The following URGCP variants were observed in gnomAD, a reference collection of about 807,000 sequenced individuals.
URGCP encodes the protein up-regulator of cell proliferation.
In URGCP, 13 loss-of-function variants were observed where a neutral mutation model predicts 24.6. The ratio of observed to expected loss-of-function variants is 0.53; its 90% CI spans 0.34 to 0.84. The LOEUF is 0.84. Among genes scored for constraint, URGCP ranks in the 40% least tolerant of loss-of-function variants. The pLI, the probability that URGCP is intolerant of heterozygous loss-of-function variation, is 0.01. For synonymous variants in URGCP, 444 were observed against 487.2 expected (o/e 0.91, Z 1.17); for missense variants, 899 against 1,194.3 (o/e 0.75, Z 3.64).
At chr7:43,918,661 G>T in intron 1 of URGCP, 1 of 623,398 alleles carries the variant, frequency 1.6e-6, no homozygotes. Flanking sequence ...CAGCGTTGCG[G>T]GTGGGAGCGG....
intron 1 of URGCP, chr7:43,918,877 T>TC: frequency 1.4e-6 from 2 of 1,402,874 alleles, no homozygotes; most frequent in African/African-American, 1.4e-5. Context: ...GAGCACTACA[T>TC]CCCCCGGGCT....
chr7:43,895,580 C>T (rs971107960), intron 1 of URGCP, among the ~76,000 whole-genome samples: 1 of 152,166 alleles, frequency 6.6e-6, no homozygotes, highest in Non-Finnish European at 1.5e-5. Flanking sequence ...GAGGCTGAGG[C>T]ATGAGAATCA....
rs781341808 is a variant in URGCP at position 43,881,709 on chromosome 7, G to C, written c.164-12C>G. 1.9e-6 allele frequency: 3 copies of C among 1,614,106 alleles called. No homozygotes were observed. In the South Asian group the frequency reaches 3.3e-5, roughly 18 times the overall value. ...CTCATTTGTACCATCTATGGAAAAAGCAATGGAAAATGAAGTGTCAATCAA... is the reference window on the plus strand; with the variant it reads ...CTCATTTGTACCATCTATGGAAAAACCAATGGAAAATGAAGTGTCAATCAA... On this transcript the variant is annotated splice_polypyrimidine_tract_variant and intron_variant, in intron 4 of 5. Transcript: ENST00000453200.
upstream of URGCP, chr7:43,926,568 C>T (rs563302030): frequency 1.3e-6 from 2 of 1,569,050 alleles, no homozygotes; most frequent in South Asian, 2.3e-5. Context: ...TACGCACTTT[C>T]CCACCCTCCA....
chr7:43,923,740 G>A (rs1287275342), intron 1 of URGCP, among the ~76,000 whole-genome samples: 1 of 152,064 alleles, frequency 6.6e-6, no homozygotes, highest in African/African-American at 2.4e-5. Flanking sequence ...ACTGTACTGA[G>A]ATATTATTAT....
chr7:43,881,031 T>C, intron 5 of URGCP: 1 of 611,878 alleles, frequency 1.6e-6, no homozygotes, highest in Non-Finnish European at 2.9e-6. Flanking sequence ...CCTATGAACT[T>C]GTTACAAAAA....
chr7:43,893,010 G>A (rs1003948595), intron 1 of URGCP, among the ~76,000 whole-genome samples: 1 of 151,218 alleles, frequency 6.6e-6, no homozygotes, highest in Admixed American at 6.6e-5. Flanking sequence ...GCAAGTGAAC[G>A]AGACCCCTAT....
chr7:43,889,769 C>T (rs2095867567), intron 1 of URGCP: 1 of 152,262 alleles, frequency 6.6e-6, no homozygotes, highest in Non-Finnish European at 1.5e-5. Context: ...TTAGTTTCAT[C>T]TTCTTCTGGG....
At chr7:43,921,725 T>C (rs2095922704) in intron 1 of URGCP, among the ~76,000 whole-genome samples, 1 of 152,222 alleles carries the variant, frequency 6.6e-6, no homozygotes, top group African/African-American at 2.4e-5. Flanking sequence ...TGGAAATTTT[T>C]GTCTAGGGTT....
In URGCP at chr7:43,881,923, G is replaced by A. The variant is rs563335497; in HGVS notation, c.147C>T (p.Cys49=). ...LEWREMEGDD[C]EFRYGDGTNE... ...AGTTTCTACCTCCATAACGGAACTC[G>A]CAATCATCTCCTTCCATTTCTCTCC... The change falls in exon 4 of 6, where the codon TGC becomes TGT. Residue 49 remains cysteine (C), a synonymous_variant. Coordinates refer to ENST00000453200, the MANE Select transcript of URGCP (RefSeq NM_001077663.3). 93 of 1,614,000 alleles carry A rather than the reference G, an allele frequency of 5.8e-5. No individual in the cohort carries two copies. Among genetic ancestry groups the A allele is most frequent in the Admixed American group, 1.3e-4 (8 of 60,006 alleles).
At chr7:43,920,179 TTC>T (rs1358901909) in intron 1 of URGCP, 6 of 575,018 alleles carry the variant, frequency 1.0e-5, no homozygotes, top group Non-Finnish European at 1.2e-5. Context: ...TACATGCATT[TTC>T]TGTTAGTCTG....
rs556280128 is a variant in URGCP at position 43,922,955 on chromosome 7, T to G, written c.-116+3177A>C. Among the ~76,000 whole-genome samples the G allele has an allele frequency of 1.1e-3, 172 of 151,768 alleles. 1 individual carries two copies. The highest frequency in any genetic ancestry group is 4.0e-3 in the African/African-American group (165 of 41,408). On this transcript the variant is annotated intron_variant, in intron 1 of 5. Coordinates refer to the URGCP transcript ENST00000426198. ...CTTTCTTTCTTTCCTTCTCTCTTTC[T>G]CTCTCTTTCTCCTCTCTCTCTCTCT... is the stretch of plus-strand genomic sequence containing the variant.
intron 1 of URGCP, among the ~76,000 whole-genome samples, chr7:43,900,706 C>T (rs537451166): frequency 6.6e-6 from 1 of 152,260 alleles, no homozygotes; most frequent in Non-Finnish European, 1.5e-5. Context: ...CTGCCTCAGG[C>T]TCCCAAAGTG....
At chr7:43,909,443 T>C (rs1383285464), upstream of URGCP, among the ~76,000 whole-genome samples, 2 of 152,208 alleles carry the variant, frequency 1.3e-5, no homozygotes, top group Non-Finnish European at 2.9e-5. Flanking sequence ...ACCAGTATTT[T>C]AGGCCAGGTA....
At position 43,877,080 on chromosome 7, in the gene URGCP, T is replaced by C. The variant is rs1323728606; in HGVS notation, c.2383A>G (p.Ile795Val). The C allele has an allele frequency of 1.2e-6, 2 of 1,614,274 alleles. No individual in the cohort carries two copies. The highest frequency in any genetic ancestry group is 8.5e-7 in the Non-Finnish European group (1 of 1,180,050). ...AATGCATGCAGAATAGCTGCTGGAA[T>C]GTCCTTGGTTTCAGCTAGACTGATC... ...TVISLAETKD[I>V]PAAILHAFLR... Residue 795 changes from isoleucine to valine, a missense_variant, in exon 6 of 6, where the codon ATT becomes GTT. By Grantham distance (29) the Ile-to-Val change is conservative. Transcript: ENST00000453200.
chr7:43,893,796 G>A lies in URGCP; in HGVS notation c.15-5980C>T, dbSNP rs183599126. On this transcript the variant is annotated intron_variant, in intron 1 of 5. Transcript: ENST00000453200. ...CGAGGCAGGAGAATTGCTTGAACCCGGGAGACGGAGGTTGCACTAAGCTGA... is the reference window on the plus strand; with the variant it reads ...CGAGGCAGGAGAATTGCTTGAACCCAGGAGACGGAGGTTGCACTAAGCTGA... Among the ~76,000 whole-genome samples the A allele has an allele frequency of 1.5e-3, 233 of 152,234 alleles. 4 individuals carry two copies. Among genetic ancestry groups the A allele is most frequent in the Admixed American group, 0.015 (226 of 15,292 alleles).
rs540273432 is a variant in URGCP, at chr7:43,912,249, G to C, written c.-116+13883C>G. Among the ~76,000 whole-genome samples, 19 of 152,322 alleles carry C rather than the reference G, an allele frequency of 1.2e-4. No homozygotes were observed. In the East Asian group the frequency reaches 3.7e-3, roughly 29 times the overall value. On this transcript the variant is annotated intron_variant, in intron 1 of 5. Transcript: ENST00000426198. ...GTGGTTGCTCATGCCTGTAATCCCA[G>C]CACTTTGGGAGGCTGAGGCTGTTGG... is the stretch of plus-strand genomic sequence containing the variant.
At chr7:43,892,969 C>T (rs2132681657) in intron 1 of URGCP, among the ~76,000 whole-genome samples, 2 of 152,092 alleles carry the variant, frequency 1.3e-5, no homozygotes, top group Middle Eastern at 6.8e-3. Context: ...CAAGAAAAAA[C>T]AGGAAAGTAA....
chr7:43,922,286 T>A (rs1004430679), intron 1 of URGCP, among the ~76,000 whole-genome samples: 4 of 152,206 alleles, frequency 2.6e-5, no homozygotes, highest in Non-Finnish European at 5.9e-5. Context: ...GGTCTCGAAC[T>A]CCTGACCTCA....
Sources: gnomAD v4.1 joint callset for allele counts (sites outside exome capture counted in the v4.1 genomes callset) on GRCh38, gnomAD v4.1.1 for gene constraint, MANE v1.5 for transcripts, NCBI Gene and HGNC (gene_info 2026-07-23, HGNC 2026-07-21) for gene names.